The following ARHGAP28 variants were observed in gnomAD, a reference collection of about 807,000 sequenced individuals.
ARHGAP28 encodes rho GTPase-activating protein 28.
ARHGAP28 carries 56 observed loss-of-function variants against 90.7 expected under a neutral mutation model. That is an observed-to-expected ratio of 0.62 (90% CI 0.50 to 0.77). The LOEUF (loss-of-function observed/expected upper bound fraction) is 0.77, where lower values mean the gene tolerates loss of function less well. Among genes scored for constraint, ARHGAP28 ranks in the 30% least tolerant of loss-of-function variants. ARHGAP28 has a pLI of 0.00. For synonymous variants in ARHGAP28, 308 were observed against 323.3 expected (o/e 0.95, Z 0.51); for missense variants, 869 against 900.9 (o/e 0.96, Z 0.45).
chr18:6,827,001 G>C (rs1222206460), intron 2 of ARHGAP28, among the ~76,000 whole-genome samples: 2 of 152,114 alleles, frequency 1.3e-5, no homozygotes, highest in East Asian at 3.9e-4. Context: ...CACAGGGTTG[G>C]GGGTAAGGTC....
At chr18:6,839,335 C>T (rs920002451) in intron 3 of ARHGAP28, among the ~76,000 whole-genome samples, 12 of 149,276 alleles carry the variant, frequency 8.0e-5, no homozygotes, top group Non-Finnish European at 1.0e-4. Context: ...GCTCTGTCGC[C>T]CAGGCTGGAG....
At chr18:6,777,598 G>A (rs577598538) in intron 1 of ARHGAP28, among the ~76,000 whole-genome samples, 39 of 152,166 alleles carry the variant, frequency 2.6e-4, no homozygotes, top group African/African-American at 8.7e-4. Flanking sequence ...GGTGGCATTC[G>A]CCTGTAGTTC....
At chr18:6,874,139 A>G (rs1055816153) in intron 9 of ARHGAP28, among the ~76,000 whole-genome samples, 3 of 152,260 alleles carry the variant, frequency 2.0e-5, no homozygotes, top group South Asian at 2.1e-4. Flanking sequence ...CTATCTAGAT[A>G]AAGATGACCA....
intron 2 of ARHGAP28, among the ~76,000 whole-genome samples, chr18:6,829,604 A>G (rs904806034): frequency 1.3e-5 from 2 of 152,212 alleles, no homozygotes; most frequent in Admixed American, 6.5e-5. Flanking sequence ...ACTGATCAAG[A>G]TAGATAACAT....
At chr18:6,732,661 T>C (rs1465999184) in intron 1 of ARHGAP28, among the ~76,000 whole-genome samples, 1 of 152,208 alleles carries the variant, frequency 6.6e-6, no homozygotes, top group Middle Eastern at 3.2e-3. Context: ...CTGCTCATTT[T>C]ATTTTATTTT....
rs533012912 is a variant in ARHGAP28 at position 6,839,552 on chromosome 18, C to A, written c.543+2138C>A. Among the ~76,000 whole-genome samples, 10 of 152,296 alleles carry A rather than the reference C, an allele frequency of 6.6e-5. No homozygotes were observed. In the South Asian group the frequency reaches 1.2e-3, roughly 19 times the overall value. ...GACCTCGTGATCCGCCTGCCTCGGC[C>A]TCCCAAAGTGCTGGGATTACAGGCG... is the stretch of plus-strand genomic sequence containing the variant. On this transcript the variant is annotated intron_variant, in intron 3 of 17. Coordinates refer to ENST00000383472, the MANE Select transcript of ARHGAP28 (RefSeq NM_001366230.1).
chr18:6,811,209 G>A (rs2056553669), intron 1 of ARHGAP28, among the ~76,000 whole-genome samples: 1 of 152,098 alleles, frequency 6.6e-6, no homozygotes, highest in East Asian at 1.9e-4. Flanking sequence ...TGCTGCAACT[G>A]GGGTCACCCT....
At chr18:6,882,888 AGTGT>A (rs2057189981) in intron 11 of ARHGAP28, among the ~76,000 whole-genome samples, 1 of 152,200 alleles carries the variant, frequency 6.6e-6, no homozygotes, top group African/African-American at 2.4e-5. Flanking sequence ...AAAATTATAA[AGTGT>A]GTGTTGTAAT....
intron 1 of ARHGAP28, among the ~76,000 whole-genome samples, chr18:6,738,063 T>A (rs960871430): frequency 6.6e-6 from 1 of 152,128 alleles, no homozygotes; most frequent in Non-Finnish European, 1.5e-5. Flanking sequence ...GATCCCTTAG[T>A]TGAATAGATG....
intron 1 of ARHGAP28, among the ~76,000 whole-genome samples, chr18:6,760,430 A>G (rs1427460117): frequency 6.6e-6 from 1 of 152,224 alleles, no homozygotes; most frequent in Admixed American, 6.5e-5. Context: ...TTGTAAAATT[A>G]TACAGTAGAG....
At chr18:6,824,668 A>G (rs2056649219) in intron 1 of ARHGAP28, 94 bp from the exon 2 acceptor site, 11 of 1,133,036 alleles carry the variant, frequency 9.7e-6, no homozygotes, top group Middle Eastern at 5.1e-4. Context: ...TTTGATTTAA[A>G]CTTAATTAAT....
intron 1 of ARHGAP28, among the ~76,000 whole-genome samples, chr18:6,771,545 G>A (rs1000815337): frequency 1.3e-5 from 2 of 152,126 alleles, no homozygotes; most frequent in Admixed American, 1.3e-4. Flanking sequence ...TGAGATTCAG[G>A]ATCTTTCATC....
At chr18:6,785,756 A>C (rs2056360291) in intron 1 of ARHGAP28, among the ~76,000 whole-genome samples, 1 of 152,238 alleles carries the variant, frequency 6.6e-6, no homozygotes, top group Non-Finnish European at 1.5e-5. Flanking sequence ...TGTAGATATG[A>C]GCACTAGACT....
At chr18:6,856,908 T>C (rs866729247) in intron 4 of ARHGAP28, among the ~76,000 whole-genome samples, 7 of 152,214 alleles carry the variant, frequency 4.6e-5, no homozygotes, top group African/African-American at 1.2e-4. Flanking sequence ...AATTTTGAGA[T>C]TCATCCATTT....
intron 1 of ARHGAP28, among the ~76,000 whole-genome samples, chr18:6,747,045 ATTCAG>A (rs1322204859): frequency 1.3e-5 from 2 of 150,868 alleles, no homozygotes; most frequent in Non-Finnish European, 2.9e-5. Context: ...ATTCTCTGAT[ATTCAG>A]TTCATTCATC....
chr18:6,795,221 G>A (rs2056433201), intron 1 of ARHGAP28, among the ~76,000 whole-genome samples: 1 of 152,152 alleles, frequency 6.6e-6, no homozygotes, highest in African/African-American at 2.4e-5. Flanking sequence ...GAAAAGCAAC[G>A]CGTTTTCATT....
chr18:6,781,500 A>C (rs1176970573), intron 1 of ARHGAP28, among the ~76,000 whole-genome samples: 2 of 150,604 alleles, frequency 1.3e-5, no homozygotes, highest in Non-Finnish European at 3.0e-5. Flanking sequence ...TGTGCAGGGA[A>C]CTCCTGACCC....
intron 3 of ARHGAP28, among the ~76,000 whole-genome samples, chr18:6,844,766 A>T (rs1328805916): frequency 6.6e-6 from 1 of 152,220 alleles, no homozygotes; most frequent in Non-Finnish European, 1.5e-5. Context: ...GTTAGAAAAA[A>T]AAATTATTTC....
At chr18:6,734,583 G>A (rs1273196636) in intron 1 of ARHGAP28, among the ~76,000 whole-genome samples, 2 of 152,128 alleles carry the variant, frequency 1.3e-5, no homozygotes, top group African/African-American at 2.4e-5. Context: ...TGGAATGGAT[G>A]ATTAGAAAGT....
Sources: gnomAD v4.1 joint callset for allele counts (sites outside exome capture counted in the v4.1 genomes callset) on GRCh38, gnomAD v4.1.1 for gene constraint, MANE v1.5 for transcripts, NCBI Gene and HGNC (gene_info 2026-07-23, HGNC 2026-07-21) for gene names.